Variants in PER2 observed in about 807,000 individuals in gnomAD.
PER2 encodes period circadian protein homolog 2.
In PER2, 66 loss-of-function variants were observed where a neutral mutation model predicts 121.0. That is an observed-to-expected ratio of 0.55 (90% CI 0.45 to 0.67). The LOEUF is 0.67. Ranked by LOEUF, PER2 falls within the 30% of genes least tolerant of loss-of-function variation. The pLI, the probability that PER2 is intolerant of heterozygous loss-of-function variation, is 0.00. For missense variants in PER2, 1,521 were observed against 1,635.0 expected (o/e 0.93, Z 1.20); for synonymous variants, 684 against 659.9 (o/e 1.04, Z -0.56).
chr2:238,253,193 C>T lies in PER2; in HGVS notation c.2830G>A (p.Ala944Thr). 3 of 1,593,578 alleles carry T rather than the reference C, an allele frequency of 1.9e-6. No individual in the cohort carries two copies. The highest frequency in any genetic ancestry group is 1.3e-5 in the African/African-American group (1 of 74,708). ...HPTLTSEMASASQPEFPSRTS... is the reference protein window; with the variant it reads ...HPTLTSEMASTSQPEFPSRTS... The stretch of plus-strand genomic sequence containing the variant: ...CGGCTGGGGAACTCAGGCTGTGAGG[C>T]AGAGGCCATCTCGGATGTGAGTGTG... The change falls in exon 19 of 23, where the codon GCC becomes ACC. Residue 944 changes from alanine to threonine, a missense_variant. Physicochemically the swap from Ala to Thr is moderately conservative, Grantham distance 58. Transcript: ENST00000254657. The surrounding 1 kb of genome is among the most constrained non-coding windows in gnomAD (Gnocchi z 5.6).
intron 6 of PER2, among the ~76,000 whole-genome samples, chr2:238,270,437 A>C (rs1696247930): frequency 6.6e-6 from 1 of 151,782 alleles, no homozygotes; most frequent in African/African-American, 2.4e-5. Context: ...AAAAAAAAAA[A>C]TCTTAGATCT....
At chr2:238,251,441 G>T (rs1695594968) in intron 20 of PER2, among the ~76,000 whole-genome samples, 158 bp downstream of exon 20, 2 of 152,258 alleles carry the variant, frequency 1.3e-5, no homozygotes, top group Admixed American at 1.3e-4. Flanking sequence ...TGCTGAACAG[G>T]GAGAGTGTGT....
chr2:238,269,032 C>T, intron 6 of PER2, 58 bp from the exon 7 acceptor site: 2 of 1,294,826 alleles, frequency 1.5e-6, no homozygotes, highest in Non-Finnish European at 2.2e-6. Flanking sequence ...CAGTGTTCCT[C>T]ATTTCTCACA....
chr2:238,269,845 T>C (rs1230500043), intron 6 of PER2, among the ~76,000 whole-genome samples: 1 of 152,264 alleles, frequency 6.6e-6, no homozygotes, highest in East Asian at 1.9e-4. Context: ...ATGCTGATTT[T>C]TGATTAACCC....
intron 22 of PER2, chr2:238,247,601 A>C (rs947981767): frequency 5.2e-5 from 8 of 152,550 alleles, no homozygotes; most frequent in East Asian, 3.9e-4. Context: ...CAGCGGGTGG[A>C]AAACAGACTC....
At chr2:238,294,166 T>C (rs1021712764), upstream of PER2, among the ~76,000 whole-genome samples, 1 of 152,246 alleles carries the variant, frequency 6.6e-6, no homozygotes, top group African/African-American at 2.4e-5. Context: ...GGTGTCATCC[T>C]GCTGGCCTTC....
chr2:238,270,596 G>A (rs1295450864), intron 6 of PER2, among the ~76,000 whole-genome samples: 2 of 152,200 alleles, frequency 1.3e-5, no homozygotes, highest in Non-Finnish European at 1.5e-5. Context: ...GGAGAGCTGG[G>A]GCACAGGAGG....
intron 1 of PER2, among the ~76,000 whole-genome samples, chr2:238,283,582 G>A (rs537147951): frequency 5.3e-5 from 8 of 152,342 alleles, no homozygotes; most frequent in South Asian, 2.1e-4. Flanking sequence ...AGCGGGCAGC[G>A]GTAGGAGGGC....
Position 238,258,371 on chromosome 2 carries a change from G to T in PER2, c.1805C>A (p.Thr602Asn). The T allele has an allele frequency of 3.7e-6, 6 of 1,614,204 alleles. No individual in the cohort carries two copies. The highest frequency in any genetic ancestry group is 5.1e-6 in the Non-Finnish European group (6 of 1,180,038). The change falls in exon 16 of 23, where the codon ACC becomes AAC. Residue 602 changes from threonine (T) to asparagine (N), a missense_variant. Physicochemically the swap from Thr to Asn is moderately conservative, Grantham distance 65. Coordinates refer to ENST00000254657, the MANE Select transcript of PER2 (RefSeq NM_022817.3). ...RYLESCNEAATLKRKCEFPAN... is the reference protein window; with the variant it reads ...RYLESCNEAANLKRKCEFPAN... Reference sequence around the variant, plus strand: ...TGGGAACTCGCATTTCCTCTTCAGGGTGGCAGCCTCATTGCAGCTCTCCAA... The same window carrying T: ...TGGGAACTCGCATTTCCTCTTCAGGTTGGCAGCCTCATTGCAGCTCTCCAA...
At chr2:238,271,894 T>G (rs1055995686) in intron 5 of PER2, among the ~76,000 whole-genome samples, 4 of 150,790 alleles carry the variant, frequency 2.7e-5, no homozygotes, top group African/African-American at 9.8e-5. Context: ...GAAAGATGCC[T>G]GCCCCAAGAT....
rs1695417076 is a variant in PER2, at chr2:238,245,300, C to G, written c.*1075G>C. The G allele has an allele frequency of 3.0e-6, 1 of 336,194 alleles. No individual in the cohort carries two copies. Among genetic ancestry groups the G allele is most frequent in the Non-Finnish European group, 5.4e-6 (1 of 186,510 alleles). The allele number at this position is 336,194 out of a possible 1,614,324, so 20.8% of individuals were successfully genotyped here. On this transcript the variant is annotated 3_prime_UTR_variant, in exon 23 of 23. Coordinates refer to ENST00000254657, the MANE Select transcript of PER2 (RefSeq NM_022817.3). ...TGGGGACACTGGCAGAGGCCTGAAG[C>G]TGCTCCGAGAGAGGTCGGGCTCATG...
intron 6 of PER2, 81 bp from the exon 7 acceptor site, chr2:238,269,055 G>GCA (rs1696202779): frequency 9.1e-7 from 1 of 1,097,240 alleles, no homozygotes; most frequent in South Asian, 1.3e-5. Flanking sequence ...CAAAAGAGGA[G>GCA]CAGCAGAATC....
intron 1 of PER2, among the ~76,000 whole-genome samples, chr2:238,283,166 A>G (rs893267311): frequency 6.6e-6 from 1 of 152,152 alleles, no homozygotes; most frequent in African/African-American, 2.4e-5. Context: ...CTGGCAGAAA[A>G]TGCCCCCTCC....
intron 18 of PER2, chr2:238,254,336 G>A (rs1311133800): frequency 6.5e-6 from 1 of 154,534 alleles, no homozygotes. Flanking sequence ...GCCTCCCTGG[G>A]GAGTGGGAGG....
rs777328299 is a variant in PER2 at position 238,250,543 on chromosome 2, G to A, written c.3467+8C>T. 1.9e-6 allele frequency: 3 copies of A among 1,606,422 alleles called. No homozygotes were observed. The highest frequency in any genetic ancestry group is 2.7e-5 in the African/African-American group (2 of 74,774). ...CCCCAGGTGCCTAGGAAAACGCTGGGTGGTTACCGGGAAGGCAGCTGGTAC... is the reference window on the plus strand; with the variant it reads ...CCCCAGGTGCCTAGGAAAACGCTGGATGGTTACCGGGAAGGCAGCTGGTAC... On this transcript the variant is annotated splice_region_variant and intron_variant, in intron 21 of 22. Transcript: ENST00000254657.
At chr2:238,269,746 C>T (rs967827464) in intron 6 of PER2, among the ~76,000 whole-genome samples, 3 of 152,240 alleles carry the variant, frequency 2.0e-5, no homozygotes, top group Non-Finnish European at 4.4e-5. Flanking sequence ...ACCAACTAAC[C>T]GACAACTGAG....
intron 6 of PER2, among the ~76,000 whole-genome samples, chr2:238,270,577 G>C (rs1055256687): frequency 1.3e-5 from 2 of 152,238 alleles, no homozygotes; most frequent in African/African-American, 4.8e-5. Context: ...TGACTTAGCT[G>C]GGCAGGGAGG....
the PER2 span, chr2:238,295,851 G>T: frequency 2.0e-5 from 4 of 195,566 alleles, no homozygotes; most frequent in South Asian, 7.4e-5. Context: ...TGGACTGTTG[G>T]GGTGCACAGA....
At chr2:238,283,178 T>C (rs1413960432) in intron 1 of PER2, among the ~76,000 whole-genome samples, 1 of 152,214 alleles carries the variant, frequency 6.6e-6, no homozygotes, top group Non-Finnish European at 1.5e-5. Flanking sequence ...GCCCCCTCCC[T>C]CTCTCCCTCA....
Sources: gnomAD v4.1 joint callset for allele counts (sites outside exome capture counted in the v4.1 genomes callset) on GRCh38, gnomAD v4.1.1 for gene constraint, Gnocchi (gnomAD v3.1) non-coding constraint, MANE v1.5 for transcripts, NCBI Gene and HGNC (gene_info 2026-07-23, HGNC 2026-07-21) for gene names.